PARP1: variants seen among roughly 807,000 people sequenced by gnomAD.
The protein encoded by PARP1 is poly(ADP-ribose) polymerase 1.
PARP1 carries 44 observed loss-of-function variants against 118.7 expected under a neutral mutation model. The observed-to-expected ratio is 0.37, with a 90% confidence interval of 0.29 to 0.48. The LOEUF (loss-of-function observed/expected upper bound fraction) is 0.48, where lower values mean the gene tolerates loss of function less well. Among genes scored for constraint, PARP1 ranks in the 20% least tolerant of loss-of-function variants. The pLI is 0.99. For missense variants in PARP1, 1,100 were observed against 1,272.4 expected (o/e 0.86, Z 2.06); for synonymous variants, 492 against 483.2 (o/e 1.02, Z -0.24).
chr1:226,385,504 C>T lies in PARP1; in HGVS notation c.1011G>A (p.Lys337=). The T allele has an allele frequency of 6.2e-7, 1 of 1,613,810 alleles. No individual in the cohort carries two copies. Among genetic ancestry groups the T allele is most frequent in the Non-Finnish European group, 8.5e-7 (1 of 1,179,754 alleles). Residue 337 remains lysine (K), a splice_region_variant and synonymous_variant, in exon 7 of 23, where the codon AAG becomes AAA. Transcript: ENST00000366794. ...CCCAGGATCTTCCCCTACCCCTTAC[C>T]TTTGGGGTTACCCACTCCTTCCGGT... is the stretch of plus-strand genomic sequence containing the variant. The part of the protein sequence containing the change: ...TPNRKEWVTP[K]EFREISYLKK...
chr1:226,366,389 AAG>A (rs1006104483), intron 17 of PARP1: 6 of 349,126 alleles, frequency 1.7e-5, no homozygotes, highest in African/African-American at 1.1e-4. Context: ...TGGCTCCTGG[AAG>A]AGAGTCCAGC....
chr1:226,383,267 A>C lies in PARP1; in HGVS notation c.1012-84T>G, dbSNP rs2280044. 2.9e-5 allele frequency: 30 copies of C among 1,030,994 alleles called. No homozygotes were observed. The East Asian group carries it at 3.8e-4, about 13-fold the overall frequency. 63.9% of individuals were successfully genotyped at this position (1,030,994 alleles called of 1,614,324 possible). A position where few individuals can be genotyped will look rare whatever the true frequency, so the allele number is the denominator to read the frequency against. ...AGACCAAAGAGGATTTGGCTTGTCC[A>C]AATCAAATAATCTCTTTTTTTCTTC... On this transcript the variant is annotated intron_variant, in intron 7 of 22. Coordinates refer to ENST00000366794, the MANE Select transcript of PARP1 (RefSeq NM_001618.4).
rs186821825 is a variant in PARP1, at chr1:226,380,929, C to T, written c.1300+139G>A. Reference sequence around the variant, plus strand: ...ACACTGAGAGCAAATACTGGTTTCCCTTCATAAAGAACCACAGCGATGATG... The same window carrying T: ...ACACTGAGAGCAAATACTGGTTTCCTTTCATAAAGAACCACAGCGATGATG... On this transcript the variant is annotated intron_variant, in intron 9 of 22. Coordinates refer to ENST00000366794, the MANE Select transcript of PARP1 (RefSeq NM_001618.4). The T allele has an allele frequency of 1.7e-3, 1,612 of 963,604 alleles. 4 individuals are homozygous for T. The highest frequency in any genetic ancestry group is 2.1e-3 in the Non-Finnish European group (1,311 of 610,554). The allele number at this position is 963,604 out of a possible 1,614,324, so 59.7% of individuals were successfully genotyped here. A position where few individuals can be genotyped will look rare whatever the true frequency, so the allele number is the denominator to read the frequency against.
chr1:226,365,803 A>AAC, intron 18 of PARP1, 151 bp downstream of exon 18: 1 of 642,578 alleles, frequency 1.6e-6, no homozygotes, highest in Non-Finnish European at 2.8e-6. Flanking sequence ...CAAAAAAAAA[A>AAC]CTACTAATTT....
chr1:226,365,835 C>T, intron 18 of PARP1, 119 bp downstream of exon 18: 2 of 704,704 alleles, frequency 2.8e-6, no homozygotes, highest in Non-Finnish European at 5.2e-6. Flanking sequence ...AAATGAGTCA[C>T]TTCTTTGGGT....
rs1419671436 is a variant in PARP1 at position 226,361,321 on chromosome 1, GT to G, written c.*138del. 37 of 710,056 alleles carry G rather than the reference GT, an allele frequency of 5.2e-5. No homozygotes were observed. The highest frequency in any genetic ancestry group is 8.9e-5 in the Non-Finnish European group (34 of 381,420). 44.0% of individuals were successfully genotyped at this position (710,056 alleles called of 1,614,324 possible). ...AGAAGTTAGAGAAAACCTTTAACAC[GT>G]TTCTGTAAAATCCTTTCTGAGGTGG... On this transcript the variant is annotated 3_prime_UTR_variant, in exon 23 of 23. Transcript: ENST00000366794.
intron 1 of PARP1, among the ~76,000 whole-genome samples, chr1:226,404,543 C>T (rs973822899): frequency 1.4e-4 from 21 of 152,326 alleles, no homozygotes; most frequent in African/African-American, 5.1e-4. Context: ...GTGCTGTCTC[C>T]CCCAACCACC....
chr1:226,376,947 TTC>T (rs1664499665), intron 13 of PARP1, among the ~76,000 whole-genome samples, 159 bp downstream of exon 13: 1 of 152,206 alleles, frequency 6.6e-6, no homozygotes, highest in African/African-American at 2.4e-5. Flanking sequence ...AAGTATTTTC[TTC>T]TATTTTTGGG....
At chr1:226,378,329 A>G (rs1328823980) in intron 12 of PARP1, among the ~76,000 whole-genome samples, 1 of 151,910 alleles carries the variant, frequency 6.6e-6, no homozygotes, top group Non-Finnish European at 1.5e-5. Context: ...TAAGGACAAA[A>G]GCCAGCCCAA....
intron 12 of PARP1, among the ~76,000 whole-genome samples, chr1:226,377,985 T>G (rs190983959): frequency 6.6e-6 from 1 of 152,280 alleles, no homozygotes; most frequent in Admixed American, 6.5e-5. Context: ...ACTACAGATT[T>G]CAAAGAAAAT....
Position 226,363,041 on chromosome 1 carries a change from G to C in PARP1, c.2848+58C>G, listed in dbSNP as rs553715094. On this transcript the variant is annotated intron_variant, in intron 21 of 22. Coordinates refer to ENST00000366794, the MANE Select transcript of PARP1 (RefSeq NM_001618.4). ...AGCCTTCTCAGGACAGCAAGCCCCC[G>C]GCTTCTGTGCTGTCCAGGGTGCCTC... The C allele has an allele frequency of 1.1e-5, 13 of 1,224,796 alleles. No individual in the cohort carries two copies. The African/African-American group carries it at 1.2e-4, about 11-fold the overall frequency. The allele number at this position is 1,224,796 out of a possible 1,614,324, so 75.9% of individuals were successfully genotyped here.
chr1:226,377,499 A>C (rs1664515606), intron 12 of PARP1, among the ~76,000 whole-genome samples, 196 bp from the exon 13 acceptor site: 1 of 152,226 alleles, frequency 6.6e-6, no homozygotes, highest in African/African-American at 2.4e-5. Flanking sequence ...CTTTCAAATC[A>C]TATTGACTAC....
intron 5 of PARP1, 96 bp downstream of exon 5, chr1:226,388,560 A>C (rs182063358): frequency 1.0e-5 from 9 of 876,902 alleles, no homozygotes; most frequent in Non-Finnish European, 1.6e-5. Context: ...AAAGGTCTTA[A>C]TAAGTGGGAC....
rs780458199 is a variant in PARP1, at chr1:226,365,953, C to A, written c.2505+1G>T. 6.3e-7 allele frequency: 1 copy of A among 1,592,920 alleles called. No homozygotes were observed. Among genetic ancestry groups the A allele is most frequent in the Admixed American group, 1.7e-5 (1 of 59,998 alleles). On this transcript the variant is annotated splice_donor_variant, in intron 18 of 22. Coordinates refer to ENST00000366794, the MANE Select transcript of PARP1 (RefSeq NM_001618.4). LOFTEE classifies it high-confidence loss of function. ...GAAGTGGGGGAAGAAGGGATTCTTA[C>A]ATCGATGACTTCCAAGTCATACGCA...
chr1:226,393,786 A>C (rs1664862820), intron 2 of PARP1, among the ~76,000 whole-genome samples: 1 of 152,260 alleles, frequency 6.6e-6, no homozygotes, highest in Admixed American at 6.5e-5. Flanking sequence ...CTAGATATGT[A>C]TAAGCATTTG....
chr1:226,379,097 CG>C (rs1664550595), intron 12 of PARP1, 44 bp downstream of exon 12: 1 of 1,612,370 alleles, frequency 6.2e-7, no homozygotes, highest in Admixed American at 1.7e-5. Flanking sequence ...CAATGCAGGA[CG>C]GGCCCATGTC....
intron 2 of PARP1, 35 bp downstream of exon 2, chr1:226,402,175 TGGGG>T: frequency 6.2e-7 from 1 of 1,614,120 alleles, no homozygotes; most frequent in Non-Finnish European, 8.5e-7. Flanking sequence ...AGCTTCAGGG[TGGGG>T]GCTGAATGCC....
At position 226,370,638 on chromosome 1, in the gene PARP1, T is replaced by C. The variant is rs1351145771; in HGVS notation, c.2071-121A>G. The C allele has an allele frequency of 7.6e-6, 6 of 794,682 alleles. No homozygotes were observed. In the South Asian group the frequency reaches 8.2e-5, roughly 11 times the overall value. The allele number at this position is 794,682 out of a possible 1,614,324, so 49.2% of individuals were successfully genotyped here. A position where few individuals can be genotyped will look rare whatever the true frequency, so the allele number is the denominator to read the frequency against. On this transcript the variant is annotated intron_variant, in intron 14 of 22. Coordinates refer to ENST00000366794, the MANE Select transcript of PARP1 (RefSeq NM_001618.4). ...GGAGCAGTCAGGAGCCTGCTGGGAT[T>C]TCCTGAGGACACCAGTGACCCAAAT...
At chr1:226,367,194 G>T (rs180754154) in intron 17 of PARP1, 44 of 463,510 alleles carry the variant, frequency 9.5e-5, no homozygotes, top group East Asian at 7.2e-4. Flanking sequence ...AAACAAAAAA[G>T]AACTTTTGGT....
Sources: gnomAD v4.1 joint callset for allele counts (sites outside exome capture counted in the v4.1 genomes callset) on GRCh38, gnomAD v4.1.1 for gene constraint, MANE v1.5 for transcripts, NCBI Gene and HGNC (gene_info 2026-07-23, HGNC 2026-07-21) for gene names.